The following ADAMTS8 variants were observed in gnomAD, a reference collection of about 807,000 sequenced individuals.
ADAMTS8 encodes the protein A disintegrin and metalloproteinase with thrombospondin motifs 8.
ADAMTS8 carries 50 observed loss-of-function variants against 64.4 expected under a neutral mutation model. The observed-to-expected ratio is 0.78, with a 90% confidence interval of 0.62 to 0.98. The LOEUF is 0.98. Among genes scored for constraint, ADAMTS8 ranks in the 50% least tolerant of loss-of-function variants. The pLI, the probability that ADAMTS8 is intolerant of heterozygous loss-of-function variation, is 0.00. For missense variants in ADAMTS8, 1,192 were observed against 1,208.2 expected (o/e 0.99, Z 0.20); for synonymous variants, 556 against 533.6 (o/e 1.04, Z -0.58).
chr11:130,419,250 T>C lies in ADAMTS8; in HGVS notation c.763A>G (p.Lys255Glu). 1 of 1,613,994 alleles carries C rather than the reference T, an allele frequency of 6.2e-7. No homozygotes were observed. The highest frequency in any genetic ancestry group is 2.2e-5 in the East Asian group (1 of 44,884). ...ATGGAATTCTTGATGCTGGGGTGCT[T>C]GTAGATTCGGGCTGCCACAGACATT... ...TLMSVAARIY[K>E]HPSIKNSINL... Residue 255 changes from lysine (K) to glutamate (E), a missense_variant, in exon 2 of 9, where the codon AAG becomes GAG. Physicochemically the swap from Lys to Glu is moderately conservative, Grantham distance 56. Around this residue, in one of 5 missense-constraint regions of ADAMTS8, gnomAD observed 741 missense variants for 710.6 expected, o/e 1.04. Coordinates refer to ENST00000257359, the MANE Select transcript of ADAMTS8 (RefSeq NM_007037.6).
rs539404135 is a variant in ADAMTS8, at chr11:130,427,539, G to A, written c.720+28C>T. 3.3e-6 allele frequency: 5 copies of A among 1,523,860 alleles called. No homozygotes were observed. In the South Asian group the frequency reaches 3.6e-5, roughly 11 times the overall value. 94.4% of individuals were successfully genotyped at this position (1,523,860 alleles called of 1,614,324 possible). A position where few individuals can be genotyped will look rare whatever the true frequency, so the allele number is the denominator to read the frequency against. ...AGGCGTCTGGGGGGCCTCCGGGCAC[G>A]GCGGCTGGAGGAGGCTCTCAGTCCT... On this transcript the variant is annotated intron_variant, in intron 1 of 8. Transcript: ENST00000257359.
rs759261274 is a variant in ADAMTS8 at position 130,414,519 on chromosome 11, G to T, written c.1566+12C>A. 1.9e-6 allele frequency: 3 copies of T among 1,580,704 alleles called. No individual in the cohort carries two copies. The highest frequency in any genetic ancestry group is 3.5e-5 in the Admixed American group (2 of 57,462). ...TTTCCCCTCCCCGCTATCCTCAGGGGCTGTCCCTCACCTTGGGCCTCTCCA... is the reference window on the plus strand; with the variant it reads ...TTTCCCCTCCCCGCTATCCTCAGGGTCTGTCCCTCACCTTGGGCCTCTCCA... On this transcript the variant is annotated intron_variant, in intron 5 of 8. Coordinates refer to ENST00000257359, the MANE Select transcript of ADAMTS8 (RefSeq NM_007037.6).
chr11:130,415,634 C>T (rs1278059272), intron 4 of ADAMTS8, among the ~76,000 whole-genome samples: 3 of 107,052 alleles, frequency 2.8e-5, no homozygotes, highest in East Asian at 3.4e-4. Flanking sequence ...AAAGAGATAG[C>T]GTCTCTCTCT....
intron 5 of ADAMTS8, among the ~76,000 whole-genome samples, chr11:130,413,930 C>T (rs756004343): frequency 1.3e-5 from 2 of 152,190 alleles, no homozygotes; most frequent in Non-Finnish European, 1.5e-5. Flanking sequence ...CAATCTGCAC[C>T]TGCACCAGCC....
At chr11:130,415,194 AT>A (rs1052921800) in intron 4 of ADAMTS8, among the ~76,000 whole-genome samples, 2 of 152,200 alleles carry the variant, frequency 1.3e-5, no homozygotes, top group African/African-American at 4.8e-5. Flanking sequence ...GGATCATCTT[AT>A]TTTTGCATCA....
In ADAMTS8 at chr11:130,419,116, A is replaced by T. The variant is rs1862065743; in HGVS notation, c.897T>A (p.Arg299=). 1.2e-6 allele frequency: 2 copies of T among 1,613,854 alleles called. No individual in the cohort carries two copies. The highest frequency in any genetic ancestry group is 1.7e-6 in the Non-Finnish European group (2 of 1,179,988). The part of the protein sequence containing the change: ...TLRNFCNWQR[R]FNQPSDRHPE... ...GGTGGCGGTCGCTGGGCTGGTTGAA[A>T]CGCCGCTGCCAGTTGCAGAAGTTAC... Residue 299 remains arginine, a synonymous_variant, in exon 2 of 9, where the codon CGT becomes CGA. Coordinates refer to ENST00000257359, the MANE Select transcript of ADAMTS8 (RefSeq NM_007037.6).
chr11:130,411,571 C>T lies in ADAMTS8; in HGVS notation c.1596G>A (p.Trp532Ter). The T allele has an allele frequency of 1.9e-6, 3 of 1,614,090 alleles. No individual in the cohort carries two copies. The highest frequency in any genetic ancestry group is 2.5e-6 in the Non-Finnish European group (3 of 1,180,010). ...TCCGAGAACATTCTCCCCAGGGTCC[C>T]CACGGTGCCCAGCCTCCATCTGCCA... is the stretch of plus-strand genomic sequence containing the variant. ...KPVADGGWAP[W>*]GPWGECSRTC... The change falls in exon 6 of 9, where the codon TGG becomes TGA. Residue 532 changes from tryptophan to a stop codon, truncating the protein, a stop_gained. Coordinates refer to ENST00000257359, the MANE Select transcript of ADAMTS8 (RefSeq NM_007037.6). LOFTEE classifies it high-confidence loss of function. The surrounding 1 kb of genome is among the most constrained non-coding windows in gnomAD (Gnocchi z 4.2).
intron 6 of ADAMTS8, among the ~76,000 whole-genome samples, chr11:130,410,062 C>A (rs1393048253): frequency 6.6e-6 from 1 of 152,208 alleles, no homozygotes; most frequent in Non-Finnish European, 1.5e-5. Flanking sequence ...TGAATGAGGG[C>A]CCTTCTCACA....
At chr11:130,424,445 C>A (rs968800989) in intron 1 of ADAMTS8, among the ~76,000 whole-genome samples, 1 of 152,200 alleles carries the variant, frequency 6.6e-6, no homozygotes, top group Non-Finnish European at 1.5e-5. Flanking sequence ...CATGAAGCAG[C>A]CACACAGGTG....
intron 1 of ADAMTS8, among the ~76,000 whole-genome samples, chr11:130,422,470 G>A (rs1037483452): frequency 2.6e-5 from 4 of 152,106 alleles, no homozygotes; most frequent in Non-Finnish European, 4.4e-5. Context: ...CGCTTCACCG[G>A]TGGCTCCACA....
intron 1 of ADAMTS8, among the ~76,000 whole-genome samples, chr11:130,426,255 G>C (rs1456355365): frequency 6.6e-6 from 1 of 152,110 alleles, no homozygotes; most frequent in East Asian, 1.9e-4. Flanking sequence ...GTTTCTCCCT[G>C]GGTCTTTCCT....
chr11:130,428,113 G>C lies in ADAMTS8; in HGVS notation c.174C>G (p.Ser58=), dbSNP rs748031870. The stretch of plus-strand genomic sequence containing the variant: ...GCAGCACGAAGCCCTTGCCGAAGGC[G>C]GACAGGTGGAGCGCGAGCTCGCCCG... ...GSAGELALHL[S]AFGKGFVLRL... Residue 58 remains serine, a synonymous_variant, in exon 1 of 9, where the codon TCC becomes TCG. Coordinates refer to ENST00000257359, the MANE Select transcript of ADAMTS8 (RefSeq NM_007037.6). The C allele has an allele frequency of 2.0e-5, 31 of 1,528,332 alleles. No individual in the cohort carries two copies. In the East Asian group the frequency reaches 7.5e-4, roughly 37 times the overall value. 94.7% of individuals were successfully genotyped at this position (1,528,332 alleles called of 1,614,324 possible).
chr11:130,417,021 T>C lies in ADAMTS8; in HGVS notation c.1015A>G (p.Thr339Ala). ...CAGCTTTTGTTGGGGTCACAAATGG[T>C]CCCGATGTCTGCCACACCCAGGGTG... is the stretch of plus-strand genomic sequence containing the variant. ...CDTLGVADIG[T>A]ICDPNKSCSV... The change falls in exon 3 of 9, where the codon ACC becomes GCC. Residue 339 changes from threonine (T) to alanine (A), a missense_variant. By Grantham distance (58) the Thr-to-Ala change is moderately conservative (BLOSUM62 0). Around this residue, in one of 5 missense-constraint regions of ADAMTS8, gnomAD observed 741 missense variants for 710.6 expected, o/e 1.04. Coordinates refer to ENST00000257359, the MANE Select transcript of ADAMTS8 (RefSeq NM_007037.6). The C allele has an allele frequency of 1.2e-6, 2 of 1,613,940 alleles. No homozygotes were observed. Among genetic ancestry groups the C allele is most frequent in the Non-Finnish European group, 1.7e-6 (2 of 1,179,982 alleles).
chr11:130,412,878 C>T (rs955264152), intron 5 of ADAMTS8, among the ~76,000 whole-genome samples: 1 of 152,034 alleles, frequency 6.6e-6, no homozygotes, highest in Non-Finnish European at 1.5e-5. Context: ...TTCTTTCTCA[C>T]TTTCTTTCTT....
Position 130,428,471 on chromosome 11 carries a change from G to T in ADAMTS8, c.-185C>A. On this transcript the variant is annotated 5_prime_UTR_variant, in exon 1 of 9. Coordinates refer to ENST00000257359, the MANE Select transcript of ADAMTS8 (RefSeq NM_007037.6). ...TCCCCCGGCGGCCCCTCTGGCTGGC[G>T]CAGCCCGCTCCTCCCGCGCCGCCGC... 9.9e-6 allele frequency: 10 copies of T among 1,007,326 alleles called. No individual in the cohort carries two copies. In the South Asian group the frequency reaches 4.5e-4, roughly 45 times the overall value. The allele number at this position is 1,007,326 out of a possible 1,614,324, so 62.4% of individuals were successfully genotyped here. A position where few individuals can be genotyped will look rare whatever the true frequency, so the allele number is the denominator to read the frequency against.
rs770176841 is a variant in ADAMTS8 at position 130,416,172 on chromosome 11, C to T, written c.1255G>A (p.Gly419Ser). The T allele has an allele frequency of 9.5e-6, 15 of 1,581,880 alleles. No individual in the cohort carries two copies. The highest frequency in any genetic ancestry group is 3.6e-4 in the Middle Eastern group (2 of 5,630). The change falls in exon 4 of 9, where the codon GGC becomes AGC. Residue 419 changes from glycine to serine, a missense_variant. By Grantham distance (56) the Gly-to-Ser change is moderately conservative. Coordinates refer to ENST00000257359, the MANE Select transcript of ADAMTS8 (RefSeq NM_007037.6). This position sits in a 1 kb window ranked among gnomAD's most constrained non-coding sequence, Gnocchi z 4.8. ...GGCCGCCGGTGCCTACCGTGCCCGC[C>T]GTCCAGAAGCTCTGTGAGATACATG... ...SAMYLTELLD[G>S]GHGDCLLDAP... is the part of the protein sequence containing the mutation.
chr11:130,426,401 C>T (rs2134694110), intron 1 of ADAMTS8, among the ~76,000 whole-genome samples: 1 of 152,332 alleles, frequency 6.6e-6, no homozygotes, highest in Non-Finnish European at 1.5e-5. Flanking sequence ...ACAGACTGAG[C>T]CTAGTATTGG....
chr11:130,414,388 TC>T, intron 5 of ADAMTS8, 142 bp downstream of exon 5: 1 of 1,038,792 alleles, frequency 9.6e-7, no homozygotes. Flanking sequence ...GTGCTGGGAT[TC>T]CAGTGTGAGC....
chr11:130,427,451 C>CTTTTT (rs36087476), intron 1 of ADAMTS8, 116 bp downstream of exon 1: 66 of 438,466 alleles, frequency 1.5e-4, no homozygotes, highest in South Asian at 8.4e-4. Context: ...GTGGGGAGGG[C>CTTTTT]TTTTTTTTTT....
Sources: allele counts gnomAD v4.1 joint callset (sites outside exome capture counted in the v4.1 genomes callset), GRCh38; gene constraint gnomAD v4.1.1; regional missense constraint gnomAD v4.1.1; non-coding constraint Gnocchi (gnomAD v3.1); transcripts MANE v1.5; gene names NCBI Gene and HGNC (gene_info 2026-07-23, HGNC 2026-07-21).